The following DEFA6 variants were observed in gnomAD, a reference collection of about 807,000 sequenced individuals.
DEFA6 encodes the protein defensin-6.
A neutral mutation model predicts 5.1 loss-of-function variants in DEFA6; 8 were observed. The ratio of observed to expected loss-of-function variants is 1.57; its 90% CI spans 0.92 to 2.83. DEFA6 has a LOEUF of 2.83. Ranked by LOEUF, DEFA6 falls within the 30% of genes most tolerant of loss-of-function variation. DEFA6 has a pLI of 0.00. For missense variants in DEFA6, 191 were observed against 119.1 expected, an observed-to-expected ratio of 1.60 and a Z score of -2.81; for synonymous variants, 74 against 45.3, an observed-to-expected ratio of 1.63 and a Z score of -2.54.
In DEFA6 at chr8:6,924,773, G is replaced by A. The variant is rs1362221787; in HGVS notation, c.*45C>T. ...TAGGACACACGACAGTTTCCTTCTA[G>A]GTCATAAAGTAAATTATGAATATAT... On this transcript the variant is annotated 3_prime_UTR_variant, in exon 2 of 2. Transcript: ENST00000297436. The A allele has an allele frequency of 2.2e-6, 3 of 1,358,750 alleles. No homozygotes were observed. The highest frequency in any genetic ancestry group is 3.1e-6 in the Non-Finnish European group (3 of 963,704). 84.2% of individuals were successfully genotyped at this position (1,358,750 alleles called of 1,614,324 possible).
rs45479905 is a variant in DEFA6 at position 6,925,957 on chromosome 8, C to T, written c.79G>A (p.Asp27Asn). 0.013 allele frequency: 21,578 copies of T among 1,613,770 alleles called. 1,630 individuals are homozygous for T. The African/African-American group carries it at 0.2, about 15-fold the overall frequency. ...AKAEPLQAED[D>N]PLQAKAYEAD... ...TCATAAGCTTTTGCCTGCAGTGGAT[C>T]ATCCTCAGCTTGGAGTGGCTCAGCC... The change falls in exon 1 of 2, where the codon GAT becomes AAT. Residue 27 changes from aspartate (D) to asparagine (N), a missense_variant. Asp to Asn is a conservative substitution (Grantham distance 23, BLOSUM62 1). Transcript: ENST00000297436.
intron 1 of DEFA6, among the ~76,000 whole-genome samples, chr8:6,925,500 C>T (rs1167287475): frequency 6.6e-6 from 1 of 152,172 alleles, no homozygotes; most frequent in East Asian, 1.9e-4. Context: ...GCACTCCAGC[C>T]TGGGTGACAG....
Position 6,925,885 on chromosome 8 carries a change from C to T in DEFA6, c.151G>A (p.Val51Ile), listed in dbSNP as rs139059860. The T allele has an allele frequency of 5.3e-5, 85 of 1,613,944 alleles. No individual in the cohort carries two copies. In the South Asian group the frequency reaches 5.3e-4, roughly 10 times the overall value. Residue 51 changes from valine (V) to isoleucine (I), a missense_variant, in exon 1 of 2, where the codon GTC (valine) becomes ATC (isoleucine). Physicochemically the swap from Val to Ile is conservative, Grantham distance 29. Coordinates refer to ENST00000297436, the MANE Select transcript of DEFA6 (RefSeq NM_001926.4). ...GAGCTTGCATCCTCTGCAAAGGAGA[C>T]GGCAAAGTCCTGGTCATTTGCCCCA... ...QRGANDQDFA[V>I]SFAEDASSSL...
At chr8:6,925,165 T>G (rs1808387157) in intron 1 of DEFA6, among the ~76,000 whole-genome samples, 3 of 152,192 alleles carry the variant, frequency 2.0e-5, no homozygotes, top group Admixed American at 2.0e-4. Flanking sequence ...CACACACATC[T>G]GAATGCACCC....
rs1808365506 is a variant in DEFA6, at chr8:6,924,747, A to T, written c.*71T>A. 1.9e-6 allele frequency: 2 copies of T among 1,060,778 alleles called. No individual in the cohort carries two copies. The highest frequency in any genetic ancestry group is 1.9e-5 in the Admixed American group (1 of 51,318). The allele number at this position is 1,060,778 out of a possible 1,614,324, so 65.7% of individuals were successfully genotyped here. On this transcript the variant is annotated 3_prime_UTR_variant, in exon 2 of 2. Transcript: ENST00000297436. ...GAGGAAACAAAGTTGATGGCAATGT[A>T]TAGGACACACGACAGTTTCCTTCTA...
chr8:6,924,917 C>T lies in DEFA6; in HGVS notation c.204G>A (p.Arg68=). Residue 68 remains arginine (R), a synonymous_variant, in exon 2 of 2, where the codon AGG becomes AGA. Transcript: ENST00000297436. ...ACCTTCTGCAATGGCAAGTGAAAGC[C>T]CTTGTTGAGCCTGGGGACAGAGAGA... ...SSSLRALGST[R]AFTCHCRRSC... is the part of the protein sequence containing the mutation. 6.2e-7 allele frequency: 1 copy of T among 1,605,684 alleles called. No homozygotes were observed. The highest frequency in any genetic ancestry group is 8.5e-7 in the Non-Finnish European group (1 of 1,173,354).
intron 1 of DEFA6, among the ~76,000 whole-genome samples, chr8:6,925,130 G>C (rs958100839): frequency 1.3e-5 from 2 of 152,184 alleles, no homozygotes; most frequent in African/African-American, 4.8e-5. Flanking sequence ...CTGATATGCT[G>C]TACTTATCTG....
chr8:6,925,780 A>T, intron 1 of DEFA6, 63 bp downstream of exon 1: 1 of 1,436,150 alleles, frequency 7.0e-7, no homozygotes, highest in Non-Finnish European at 9.3e-7. Context: ...TGTTGGATCT[A>T]ATTCTAGAAG....
chr8:6,925,684 C>CT (rs1190633983), intron 1 of DEFA6, among the ~76,000 whole-genome samples, 159 bp downstream of exon 1: 1 of 152,118 alleles, frequency 6.6e-6, no homozygotes, highest in Non-Finnish European at 1.5e-5. Flanking sequence ...AAAGTCATGC[C>CT]TTGAATATCA....
At position 6,924,754 on chromosome 8, in the gene DEFA6, A is replaced by G. The variant is rs561743853; in HGVS notation, c.*64T>C. 8.6e-6 allele frequency: 10 copies of G among 1,161,664 alleles called. No individual in the cohort carries two copies. The South Asian group carries it at 1.2e-4, about 14-fold the overall frequency. 72.0% of individuals were successfully genotyped at this position (1,161,664 alleles called of 1,614,324 possible). On this transcript the variant is annotated 3_prime_UTR_variant, in exon 2 of 2. Coordinates refer to ENST00000297436, the MANE Select transcript of DEFA6 (RefSeq NM_001926.4). The stretch of plus-strand genomic sequence containing the variant: ...CAAAGTTGATGGCAATGTATAGGAC[A>G]CACGACAGTTTCCTTCTAGGTCATA...
intron 1 of DEFA6, among the ~76,000 whole-genome samples, chr8:6,925,346 C>A (rs933783929): frequency 7.2e-6 from 1 of 139,102 alleles, no homozygotes; most frequent in African/African-American, 2.7e-5. Flanking sequence ...TGGTGAAACC[C>A]CGTCTCTACT....
At chr8:6,924,976 G>A in intron 1 of DEFA6, 49 bp from the exon 2 acceptor site, 1 of 1,292,574 alleles carries the variant, frequency 7.7e-7, no homozygotes, top group Non-Finnish European at 1.1e-6. Flanking sequence ...AGGGTCAGCA[G>A]CGGGCAGTAA....
At chr8:6,925,055 T>C in intron 1 of DEFA6, 128 bp from the exon 2 acceptor site, 1 of 616,420 alleles carries the variant, frequency 1.6e-6, no homozygotes, top group Non-Finnish European at 2.9e-6. Context: ...AATAGCATGA[T>C]CACACCATCA....
In DEFA6 at chr8:6,924,702, G is replaced by T; in HGVS notation, c.*116C>A. 1 of 590,042 alleles carries T rather than the reference G, an allele frequency of 1.7e-6. No individual in the cohort carries two copies. Among genetic ancestry groups the T allele is most frequent in the South Asian group, 3.8e-5 (1 of 26,216 alleles). 36.6% of individuals were successfully genotyped at this position (590,042 alleles called of 1,614,324 possible). ...AAGCACAAACACAAAAGAACTTGCT[G>T]AAAGGACTTTATTTGAGATGAGGAA... On this transcript the variant is annotated 3_prime_UTR_variant, in exon 2 of 2. Transcript: ENST00000297436.
intron 1 of DEFA6, among the ~76,000 whole-genome samples, chr8:6,925,332 A>T (rs921633232): frequency 7.3e-5 from 11 of 150,950 alleles, no homozygotes; most frequent in African/African-American, 2.4e-4. Flanking sequence ...TAGCCTGGCC[A>T]AGATGGTGAA....
At chr8:6,925,172 A>G (rs1039554845) in intron 1 of DEFA6, among the ~76,000 whole-genome samples, 1 of 152,194 alleles carries the variant, frequency 6.6e-6, no homozygotes, top group African/African-American at 2.4e-5. Context: ...ATCTGAATGC[A>G]CCCATATGAC....
intron 1 of DEFA6, 75 bp downstream of exon 1, chr8:6,925,768 G>A: frequency 1.5e-6 from 2 of 1,329,490 alleles, no homozygotes; most frequent in Admixed American, 2.4e-5. Context: ...GAAAGAGCCA[G>A]CTGTTGGATC....
At chr8:6,924,983 G>T (rs1563432471) in intron 1 of DEFA6, 56 bp from the exon 2 acceptor site, 4 of 1,198,578 alleles carry the variant, frequency 3.3e-6, no homozygotes, top group Non-Finnish European at 4.9e-6. Flanking sequence ...GCAGCGGGCA[G>T]TAAAGAGAAT....
chr8:6,925,950 A>C lies in DEFA6; in HGVS notation c.86T>G (p.Leu29Arg), dbSNP rs1808422562. ...ATCAGCCTCATAAGCTTTTGCCTGC[A>C]GTGGATCATCCTCAGCTTGGAGTGG... ...AEPLQAEDDP[L>R]QAKAYEADAQ... The change falls in exon 1 of 2, where the codon CTG becomes CGG. Residue 29 changes from leucine to arginine, a missense_variant. Leu to Arg is a moderately radical substitution (Grantham distance 102). Transcript: ENST00000297436. 3 of 1,614,036 alleles carry C rather than the reference A, an allele frequency of 1.9e-6. No individual in the cohort carries two copies. The highest frequency in any genetic ancestry group is 1.1e-5 in the South Asian group (1 of 91,004).
Sources: allele counts gnomAD v4.1 joint callset (sites outside exome capture counted in the v4.1 genomes callset), GRCh38; gene constraint gnomAD v4.1.1; transcripts MANE v1.5; gene names NCBI Gene and HGNC (gene_info 2026-07-23, HGNC 2026-07-21).